HSPA12A: variants seen among roughly 807,000 people sequenced by gnomAD.
The protein encoded by HSPA12A is heat shock 70 kDa protein 12A.
In HSPA12A, 28 loss-of-function variants were observed where a neutral mutation model predicts 69.2. The observed-to-expected ratio is 0.40, with a 90% CI of 0.30 to 0.55. The LOEUF (loss-of-function observed/expected upper bound fraction) is 0.55. Among genes scored for constraint, HSPA12A ranks in the 20% least tolerant of loss-of-function variants. HSPA12A has a pLI of 0.38. For missense variants in HSPA12A, 686 were observed against 900.7 expected (o/e 0.76, Z 3.05); for synonymous variants, 345 against 370.5 (o/e 0.93, Z 0.79).
chr10:116,678,610 T>C (rs1394978359), intron 10 of HSPA12A, among the ~76,000 whole-genome samples: 1 of 137,034 alleles, frequency 7.3e-6, no homozygotes, highest in Admixed American at 7.3e-5. Flanking sequence ...AAAAGACAAA[T>C]GGAAAAATGT....
rs78551169 is a variant in HSPA12A at position 116,813,917 on chromosome 10, A to G, written c.91+21018T>C. ...AAAAAAAGAAATTATAGAAATGTCT[A>G]GTAATAGAATAACAGACAGACAAAC... On this transcript the variant is annotated intron_variant, in intron 2 of 12. Transcript: ENST00000635765. Among the ~76,000 whole-genome samples the G allele has an allele frequency of 1.0e-2, 1,518 of 152,252 alleles. 19 individuals are homozygous for G. The highest frequency in any genetic ancestry group is 0.031 in the African/African-American group (1,304 of 41,546).
chr10:116,790,264 C>G (rs1441344947), intron 2 of HSPA12A, among the ~76,000 whole-genome samples: 1 of 151,894 alleles, frequency 6.6e-6, no homozygotes, highest in Non-Finnish European at 1.5e-5. Context: ...CCACCTCACC[C>G]GGCTAATTTT....
chr10:116,703,864 G>A (rs1850152935), intron 3 of HSPA12A, among the ~76,000 whole-genome samples: 2 of 152,342 alleles, frequency 1.3e-5, no homozygotes, highest in South Asian at 4.1e-4. Context: ...TGCCTATGGG[G>A]CCACTTGGCT....
intron 2 of HSPA12A, among the ~76,000 whole-genome samples, chr10:116,821,866 C>G (rs577674097): frequency 8.5e-5 from 13 of 152,260 alleles, no homozygotes; most frequent in African/African-American, 2.9e-4. Context: ...CTTTACAGCT[C>G]AGAAACACCA....
At chr10:116,721,119 T>G (rs1299444434) in intron 1 of HSPA12A, among the ~76,000 whole-genome samples, 4 of 152,232 alleles carry the variant, frequency 2.6e-5, no homozygotes, top group Non-Finnish European at 5.9e-5. Flanking sequence ...CTTACATTTG[T>G]ACAAAAAGAA....
In HSPA12A at chr10:116,675,351, C is replaced by T. The variant is rs1399656806; in HGVS notation, c.1458G>A (p.Glu486=). The T allele has an allele frequency of 6.2e-6, 10 of 1,612,030 alleles. No homozygotes were observed. In the Admixed American group the frequency reaches 1.7e-4, roughly 27 times the overall value. ...GCACCGCCTGCTGCAGCAGGGGCGC[C>T]TCGGCAAAGCCGCCCACCAGAAAGA... ...KFLFLVGGFA[E]APLLQQAVQA... Residue 486 remains glutamate (E), a synonymous_variant, in exon 12 of 12, where the codon GAG becomes GAA. Transcript: ENST00000369209. This position sits in a 1 kb window ranked among gnomAD's most constrained non-coding sequence, Gnocchi z 5.2.
intron 6 of HSPA12A, among the ~76,000 whole-genome samples, chr10:116,688,647 T>C (rs2132930768): frequency 6.6e-6 from 1 of 152,344 alleles, no homozygotes; most frequent in African/African-American, 2.4e-5. Flanking sequence ...GCTGCACCAG[T>C]TCGGGGTGTT....
At chr10:116,838,383 T>A (rs1845752829) in intron 1 of HSPA12A, among the ~76,000 whole-genome samples, 1 of 151,876 alleles carries the variant, frequency 6.6e-6, no homozygotes, top group Admixed American at 6.6e-5. Flanking sequence ...AGAGTGAGAG[T>A]GTGTGTGGAC....
intron 2 of HSPA12A, among the ~76,000 whole-genome samples, chr10:116,796,777 T>G (rs1464890612): frequency 6.6e-6 from 1 of 152,128 alleles, no homozygotes; most frequent in Non-Finnish European, 1.5e-5. Context: ...GGGAACATGG[T>G]TCTGAAGCAA....
chr10:116,695,293 C>T (rs145545507), intron 5 of HSPA12A, among the ~76,000 whole-genome samples: 1 of 152,272 alleles, frequency 6.6e-6, no homozygotes, highest in East Asian at 1.9e-4. Flanking sequence ...TGGAAATGTA[C>T]TCCCCAGTGC....
chr10:116,684,432 C>T (rs551161104), intron 6 of HSPA12A, among the ~76,000 whole-genome samples: 196 of 152,212 alleles, frequency 1.3e-3, no homozygotes, highest in African/African-American at 4.6e-3. Flanking sequence ...CTGACCAAAT[C>T]GGAGCAAACC....
chr10:116,789,592 C>G (rs1439895324), intron 2 of HSPA12A, among the ~76,000 whole-genome samples: 1 of 152,190 alleles, frequency 6.6e-6, no homozygotes, highest in Non-Finnish European at 1.5e-5. Flanking sequence ...CTGCCAGGAA[C>G]AAAGCTACAG....
At chr10:116,818,440 T>G (rs1404390800) in intron 2 of HSPA12A, among the ~76,000 whole-genome samples, 1 of 150,990 alleles carries the variant, frequency 6.6e-6, no homozygotes, top group East Asian at 2.0e-4. Flanking sequence ...GGGGACACAG[T>G]TGCATCATAG....
chr10:116,780,326 T>A (rs1020823629), intron 2 of HSPA12A, among the ~76,000 whole-genome samples: 29 of 151,500 alleles, frequency 1.9e-4, no homozygotes, highest in African/African-American at 6.3e-4. Context: ...AGAACAATAT[T>A]TTTATTTATT....
intron 2 of HSPA12A, among the ~76,000 whole-genome samples, chr10:116,806,130 CAGAG>C (rs771207326): frequency 5.3e-5 from 8 of 152,190 alleles, no homozygotes; most frequent in Non-Finnish European, 5.9e-5. Context: ...ACAAAGTTAC[CAGAG>C]AGATGGCCAT....
intron 2 of HSPA12A, among the ~76,000 whole-genome samples, chr10:116,767,740 C>A (rs1397405051): frequency 1.3e-5 from 2 of 152,192 alleles, no homozygotes; most frequent in Admixed American, 6.5e-5. Context: ...AGGCAAGAGA[C>A]CCCTTTGCTT....
intron 2 of HSPA12A, among the ~76,000 whole-genome samples, chr10:116,818,224 G>T (rs775132888): frequency 3.3e-5 from 5 of 152,334 alleles, no homozygotes; most frequent in South Asian, 2.1e-4. Flanking sequence ...TGGCATATGA[G>T]CTTGGTCACA....
At position 116,707,188 on chromosome 10, in the gene HSPA12A, C is replaced by CTTCTT; in HGVS notation, c.126+11_126+12insAAGAA. On this transcript the variant is annotated intron_variant, in intron 2 of 11. Coordinates refer to ENST00000369209, the MANE Select transcript of HSPA12A (RefSeq NM_025015.3). ...ACACACACACACACACACACACACA[C>CTTCTT]ACACTTCTTACCACAATATGGGAGG... 6.4e-7 allele frequency: 1 copy of CTTCTT among 1,568,880 alleles called. No homozygotes were observed. The highest frequency in any genetic ancestry group is 8.7e-7 in the Non-Finnish European group (1 of 1,147,910).
At chr10:116,726,027 G>GCGCACACACACACACACACA (rs140160132) in intron 1 of HSPA12A, among the ~76,000 whole-genome samples, 2 of 146,114 alleles carry the variant, frequency 1.4e-5, no homozygotes, top group African/African-American at 5.1e-5. Flanking sequence ...ACACACACAC[G>GCGCACACACACACACACACA]CACACACACA....
Sources: allele counts gnomAD v4.1 joint callset (sites outside exome capture counted in the v4.1 genomes callset), GRCh38; gene constraint gnomAD v4.1.1; non-coding constraint Gnocchi (gnomAD v3.1); transcripts MANE v1.5; gene names NCBI Gene and HGNC (gene_info 2026-07-23, HGNC 2026-07-21).